Variants in PRKN observed in about 807,000 individuals in gnomAD.
The protein encoded by PRKN is E3 ubiquitin-protein ligase parkin.
A neutral mutation model predicts 59.5 loss-of-function variants in PRKN; 56 were observed. That is an observed-to-expected ratio of 0.94 (90% CI 0.76 to 1.18). PRKN has a LOEUF of 1.18. Ranked by LOEUF, PRKN falls within the 50% of genes most tolerant of loss-of-function variation. The probability of loss-of-function intolerance (pLI) is 0.00; values close to 1 mark genes in which losing one functional copy is unlikely to be tolerated. For synonymous variants in PRKN, 250 were observed against 222.1 expected (o/e 1.13, Z -1.12); for missense variants, 657 against 596.4 (o/e 1.10, Z -1.06).
rs537754094 is a variant in PRKN, at chr6:161,413,419, A to G, written c.1084-26542T>C. 3.9e-5 allele frequency among the ~76,000 whole-genome samples: 6 copies of G among 152,338 alleles called. No individual in the cohort carries two copies. The highest frequency in any genetic ancestry group is 3.4e-3 in the Middle Eastern group (1 of 294). On this transcript the variant is annotated intron_variant, in intron 9 of 11. Transcript: ENST00000366898. This position sits in a 1 kb window ranked among gnomAD's most constrained non-coding sequence, Gnocchi z 4.4. ...GACAGCTGCAGCAGGTCGCCAGTGCATCAACACAGAGTAACCGAATACATC... is the reference window on the plus strand; with the variant it reads ...GACAGCTGCAGCAGGTCGCCAGTGCGTCAACACAGAGTAACCGAATACATC...
chr6:162,264,387 C>T (rs753519809), intron 2 of PRKN, among the ~76,000 whole-genome samples: 8 of 152,096 alleles, frequency 5.3e-5, no homozygotes, highest in Non-Finnish European at 8.8e-5. Flanking sequence ...GAAATGCATC[C>T]ATAACTCATA....
intron 1 of PRKN, among the ~76,000 whole-genome samples, chr6:162,572,966 G>A (rs888692230): frequency 1.3e-5 from 2 of 152,092 alleles, no homozygotes; most frequent in African/African-American, 4.8e-5. Flanking sequence ...GCTATCAACA[G>A]TCAGTAAAAG....
At position 161,446,296 on chromosome 6, in the gene PRKN, C is replaced by T. The variant is rs1443901907; in HGVS notation, c.1084-59419G>A. 3.3e-5 allele frequency among the ~76,000 whole-genome samples: 5 copies of T among 152,162 alleles called. No homozygotes were observed. In the East Asian group the frequency reaches 9.6e-4, roughly 29 times the overall value. On this transcript the variant is annotated intron_variant, in intron 9 of 11. Transcript: ENST00000366898. The surrounding 1 kb of genome is among the most constrained non-coding windows in gnomAD (Gnocchi z 6.2). ...AGGGAGGCTTGGAGGCTGCCTGGGG[C>T]TGAGCAGGGAGCACCATGCTTGTAG...
intron 2 of PRKN, among the ~76,000 whole-genome samples, chr6:162,384,028 T>G (rs374387983): frequency 6.6e-6 from 1 of 152,224 alleles, no homozygotes; most frequent in African/African-American, 2.4e-5. Flanking sequence ...CTTGGCTCAA[T>G]GGAATGTTGT....
intron 6 of PRKN, among the ~76,000 whole-genome samples, chr6:161,818,398 G>A (rs1478829903): frequency 2.6e-5 from 4 of 151,480 alleles, no homozygotes; most frequent in Admixed American, 1.3e-4. Flanking sequence ...GCAGTGGTGC[G>A]ATCACAGCTC....
At chr6:162,564,161 A>G (rs1779963729) in intron 1 of PRKN, among the ~76,000 whole-genome samples, 2 of 152,076 alleles carry the variant, frequency 1.3e-5, no homozygotes, top group African/African-American at 4.8e-5. Flanking sequence ...CCTGGCCAAC[A>G]TGGTGAAACC....
chr6:162,103,036 C>T lies in PRKN; in HGVS notation c.535-48862G>A, dbSNP rs563531517. 2.2e-5 allele frequency among the ~76,000 whole-genome samples: 3 copies of T among 135,330 alleles called. No individual in the cohort carries two copies. In the South Asian group the frequency reaches 6.8e-4, roughly 31 times the overall value. The allele number at this position is 135,330 out of a possible 152,430, so 88.8% of individuals were successfully genotyped here. ...CCAGCCTGGGCGAAAGAGCGAGACT[C>T]TGTCTCAAAAAAAAAAAAAAAAAGA... On this transcript the variant is annotated intron_variant, in intron 4 of 11. Coordinates refer to ENST00000366898, the MANE Select transcript of PRKN (RefSeq NM_004562.3).
At position 162,085,463 on chromosome 6, in the gene PRKN, A is replaced by G. The variant is rs1474596000; in HGVS notation, c.535-31289T>C. ...TACTGTGTGTTAAACTTTGTATTAAATGTTAGAAATCAAACACGAGTGAGA... is the reference window on the plus strand; with the variant it reads ...TACTGTGTGTTAAACTTTGTATTAAGTGTTAGAAATCAAACACGAGTGAGA... On this transcript the variant is annotated intron_variant, in intron 4 of 11. Coordinates refer to ENST00000366898, the MANE Select transcript of PRKN (RefSeq NM_004562.3). Among the ~76,000 whole-genome samples, 4 of 152,096 alleles carry G rather than the reference A, an allele frequency of 2.6e-5. No individual in the cohort carries two copies. The East Asian group carries it at 5.8e-4, about 22-fold the overall frequency.
intron 1 of PRKN, among the ~76,000 whole-genome samples, chr6:162,612,701 T>C (rs1050384574): frequency 4.0e-5 from 6 of 151,862 alleles, no homozygotes; most frequent in Non-Finnish European, 8.8e-5. Flanking sequence ...AGGATGATGA[T>C]GAAAGGACAA....
intron 7 of PRKN, among the ~76,000 whole-genome samples, chr6:161,619,666 C>T (rs1159092494): frequency 6.6e-6 from 1 of 151,982 alleles, no homozygotes; most frequent in Non-Finnish European, 1.5e-5. Context: ...AGCAGTAGCC[C>T]TTGACTTGAA....
At chr6:161,621,829 C>T (rs774253173) in intron 7 of PRKN, among the ~76,000 whole-genome samples, 8 of 152,160 alleles carry the variant, frequency 5.3e-5, no homozygotes, top group African/African-American at 9.7e-5. Flanking sequence ...AGGAAGGAGA[C>T]GTGCTCTACA....
intron 1 of PRKN, among the ~76,000 whole-genome samples, chr6:162,559,087 C>T (rs1779730649): frequency 1.4e-5 from 2 of 141,992 alleles, no homozygotes; most frequent in Non-Finnish European, 3.0e-5. Context: ...GGAGGCGGAG[C>T]TTGTAGTGAG....
intron 5 of PRKN, among the ~76,000 whole-genome samples, chr6:162,036,178 G>T (rs1783833670): frequency 6.6e-6 from 1 of 151,492 alleles, no homozygotes; most frequent in Admixed American, 6.6e-5. Flanking sequence ...CAAAAAATTA[G>T]CCGGGCGTGG....
chr6:161,565,738 C>T (rs2115470348), intron 8 of PRKN, among the ~76,000 whole-genome samples: 1 of 152,244 alleles, frequency 6.6e-6, no homozygotes, highest in African/African-American at 2.4e-5. Flanking sequence ...CAATGTGAGA[C>T]CAGACTAATA....
intron 1 of PRKN, among the ~76,000 whole-genome samples, chr6:162,556,364 T>TGCGTGTGTGTGC (rs1554243419): frequency 8.4e-4 from 77 of 91,246 alleles, no homozygotes; most frequent in African/African-American, 2.5e-3. Flanking sequence ...TGTGTGTGTG[T>TGCGTGTGTGTGC]GTGTGTGTGT....
chr6:161,643,237 T>C (rs1783805860), intron 7 of PRKN, among the ~76,000 whole-genome samples: 1 of 152,220 alleles, frequency 6.6e-6, no homozygotes, highest in Non-Finnish European at 1.5e-5. Flanking sequence ...AAGAAATCCA[T>C]ATTAAGCACA....
chr6:162,669,358 C>G (rs1026344356), intron 1 of PRKN, among the ~76,000 whole-genome samples: 2 of 152,078 alleles, frequency 1.3e-5, no homozygotes, highest in Non-Finnish European at 2.9e-5. Flanking sequence ...TCTTGAGTCA[C>G]GATTGCCCCC....
chr6:161,992,360 AAAG>A (rs1781683397), intron 5 of PRKN, among the ~76,000 whole-genome samples: 1 of 152,168 alleles, frequency 6.6e-6, no homozygotes, highest in African/African-American at 2.4e-5. Flanking sequence ...AGAGAGAGAC[AAAG>A]AAGATCATCA....
rs374404350 is a variant in PRKN at position 162,235,983 on chromosome 6, AAG to A, written c.412+26540_412+26541del. Among the ~76,000 whole-genome samples, 20 of 108,056 alleles carry A rather than the reference AAG, an allele frequency of 1.9e-4. No individual in the cohort carries two copies. The South Asian group carries it at 2.3e-3, about 12-fold the overall frequency. The allele number at this position is 108,056 out of a possible 152,430, so 70.9% of individuals were successfully genotyped here. The stretch of plus-strand genomic sequence containing the variant: ...GAAGAAAGAAAGAAAGAAAGAAAGA[AAG>A]AAAGAAAGAAAGAAAGAAAGAAAGA... On this transcript the variant is annotated intron_variant, in intron 3 of 11. Transcript: ENST00000366898.
Sources: allele counts gnomAD v4.1 joint callset (sites outside exome capture counted in the v4.1 genomes callset), GRCh38; gene constraint gnomAD v4.1.1; non-coding constraint Gnocchi (gnomAD v3.1); transcripts MANE v1.5; gene names NCBI Gene and HGNC (gene_info 2026-07-23, HGNC 2026-07-21).